Variants in PTBP3 observed in about 807,000 individuals in gnomAD.
PTBP3 encodes the protein polypyrimidine tract-binding protein 3.
Under a neutral mutation model 58.7 loss-of-function variants are expected in PTBP3, and 20 were observed. That is an observed-to-expected ratio of 0.34 (90% CI 0.24 to 0.50). The LOEUF is 0.50. PTBP3 is among the 20% of genes least tolerant of loss of function. PTBP3 has a pLI of 0.98. For synonymous variants in PTBP3, 185 were observed against 219.8 expected (o/e 0.84, Z 1.40); for missense variants, 509 against 637.2 (o/e 0.80, Z 2.17).
At chr9:112,228,130 G>A (rs775444248) in intron 11 of PTBP3, among the ~76,000 whole-genome samples, 2 of 151,996 alleles carry the variant, frequency 1.3e-5, no homozygotes, top group Non-Finnish European at 2.9e-5. Flanking sequence ...TAAACTTAAC[G>A]GAAAAACCCT....
At chr9:112,371,594 C>T in the PTBP3 span, among the ~76,000 whole-genome samples, 9 of 149,378 alleles carry the variant, frequency 6.0e-5, no homozygotes, top group Admixed American at 2.7e-4. Flanking sequence ...ATTCATAGAT[C>T]GGTTCTGCTT....
chr9:112,369,154 G>T, the PTBP3 span, among the ~76,000 whole-genome samples: 15 of 152,238 alleles, frequency 9.9e-5, no homozygotes, highest in Non-Finnish European at 1.9e-4. Context: ...CTCTGCTAGG[G>T]CAGTGTGGAA....
chr9:112,314,183 TC>T (rs1829608228), intron 1 of PTBP3, among the ~76,000 whole-genome samples: 1 of 152,010 alleles, frequency 6.6e-6, no homozygotes, highest in Admixed American at 6.5e-5. Flanking sequence ...TGGACCAATC[TC>T]CCAAGGACAA....
chr9:112,360,914 A>G, the PTBP3 span, among the ~76,000 whole-genome samples: 1 of 152,148 alleles, frequency 6.6e-6, no homozygotes, highest in African/African-American at 2.4e-5. Flanking sequence ...ACACACTTTA[A>G]AAAATGGATT....
intron 2 of PTBP3, among the ~76,000 whole-genome samples, chr9:112,287,047 A>G (rs1828154189): frequency 6.6e-6 from 1 of 152,076 alleles, no homozygotes; most frequent in Non-Finnish European, 1.5e-5. Flanking sequence ...ACCCCTGCCC[A>G]GCTCTGGCTA....
chr9:112,338,392 C>G (rs1356887017), upstream of PTBP3, among the ~76,000 whole-genome samples: 1 of 152,172 alleles, frequency 6.6e-6, no homozygotes, highest in African/African-American at 2.4e-5. Context: ...TAGTGTAATA[C>G]AGTTACTAAG....
intron 1 of PTBP3, among the ~76,000 whole-genome samples, chr9:112,315,083 G>A (rs561041912): frequency 3.3e-5 from 5 of 151,810 alleles, no homozygotes; most frequent in East Asian, 1.9e-4. Context: ...CGCCCACCTT[G>A]GCCTCCCAAA....
At chr9:112,228,329 C>A (rs766430701) in intron 11 of PTBP3, 51 bp downstream of exon 11, 50 of 1,360,294 alleles carry the variant, frequency 3.7e-5, no homozygotes, top group Middle Eastern at 1.9e-4. Context: ...AAAATTCACA[C>A]ACAAAAGGGG....
At chr9:112,320,694 A>G (rs900065921) in intron 1 of PTBP3, among the ~76,000 whole-genome samples, 4 of 152,202 alleles carry the variant, frequency 2.6e-5, no homozygotes, top group African/African-American at 9.7e-5. Context: ...AAGAATGGAA[A>G]ACTAGATCAA....
rs966741341 is a variant in PTBP3 at position 112,219,601 on chromosome 9, T to C, written c.*4250A>G. 1.3e-5 allele frequency: 2 copies of C among 152,662 alleles called. No homozygotes were observed. The highest frequency in any genetic ancestry group is 6.5e-5 in the Admixed American group (1 of 15,276). The allele number at this position is 152,662 out of a possible 1,614,324, so 9.5% of individuals were successfully genotyped here. A position where few individuals can be genotyped will look rare whatever the true frequency, so the allele number is the denominator to read the frequency against. ...GCACAATGCTCTACAATGAATATTA[T>C]GTGATAAAGGCAAAAGTGTAACTGA... On this transcript the variant is annotated 3_prime_UTR_variant, in exon 14 of 14. Transcript: ENST00000374257.
the PTBP3 span, among the ~76,000 whole-genome samples, chr9:112,364,177 CTTTTTTTTTTTTTT>C: frequency 4.8e-3 from 352 of 73,562 alleles, 2 homozygotes; most frequent in African/African-American, 0.019. Context: ...TAGGTCAGTT[CTTTTTTTTTTTTTT>C]TTTTTTTTTT....
chr9:112,253,241 A>C (rs763656156), intron 5 of PTBP3, among the ~76,000 whole-genome samples: 5 of 152,226 alleles, frequency 3.3e-5, no homozygotes, highest in Non-Finnish European at 7.3e-5. Flanking sequence ...CAGAGACAAA[A>C]GTCTATGCCC....
At chr9:112,264,807 C>A (rs1199320185) in intron 4 of PTBP3, among the ~76,000 whole-genome samples, 1 of 152,120 alleles carries the variant, frequency 6.6e-6, no homozygotes, top group African/African-American at 2.4e-5. Context: ...GCTTTGGTTG[C>A]CAAGCAACTG....
At chr9:112,325,322 G>A (rs1363748842) in intron 1 of PTBP3, among the ~76,000 whole-genome samples, 3 of 152,108 alleles carry the variant, frequency 2.0e-5, no homozygotes, top group East Asian at 1.9e-4. Flanking sequence ...CTAAGGGCCC[G>A]TCTGCACACT....
chr9:112,293,688 A>C (rs770197118), intron 2 of PTBP3, among the ~76,000 whole-genome samples: 1 of 152,090 alleles, frequency 6.6e-6, no homozygotes, highest in African/African-American at 2.4e-5. Context: ...CCACTTCTCA[A>C]CTCTCACCCT....
chr9:112,356,793 TGC>T, the PTBP3 span, among the ~76,000 whole-genome samples: 5,337 of 31,922 alleles, frequency 0.17, 111 homozygotes, highest in Admixed American at 0.19. Context: ...CAATTGCGTG[TGC>T]GCACACACAC....
In PTBP3 at chr9:112,329,382, C is replaced by G. The variant is rs1830275760; in HGVS notation, c.-52+4088G>C. Among the ~76,000 whole-genome samples, 4 of 150,570 alleles carry G rather than the reference C, an allele frequency of 2.7e-5. No individual in the cohort carries two copies. The Admixed American group carries it at 2.7e-4, about 10-fold the overall frequency. ...AGTAAGCCAAGATTGTACCACTGTT[C>G]CCCAGCCTGGGCAACAGGGAGGCTC... On this transcript the variant is annotated intron_variant, in intron 1 of 13. Coordinates refer to ENST00000374257, the MANE Select transcript of PTBP3 (RefSeq NM_001163788.4).
intron 3 of PTBP3, among the ~76,000 whole-genome samples, chr9:112,270,637 T>C (rs1354552222): frequency 6.6e-6 from 1 of 152,170 alleles, no homozygotes; most frequent in Non-Finnish European, 1.5e-5. Context: ...CAGACAGCAT[T>C]ATCTTAAGTT....
chr9:112,268,931 C>T (rs1312019777), intron 3 of PTBP3, among the ~76,000 whole-genome samples: 1 of 152,004 alleles, frequency 6.6e-6, no homozygotes. Flanking sequence ...CACAGTGGCT[C>T]AGGCCTGTAA....
Sources: allele counts gnomAD v4.1 joint callset (sites outside exome capture counted in the v4.1 genomes callset), GRCh38; gene constraint gnomAD v4.1.1; transcripts MANE v1.5; gene names NCBI Gene and HGNC (gene_info 2026-07-23, HGNC 2026-07-21).